Variants in IGFBP2 observed in about 807,000 individuals in gnomAD.
IGFBP2 encodes the protein insulin like growth factor binding protein 2.
Under a neutral mutation model 26.2 loss-of-function variants are expected in IGFBP2, and 12 were observed. That is an observed-to-expected ratio of 0.46 (90% CI 0.29 to 0.74). The LOEUF is 0.74. IGFBP2 is among the 30% of genes least tolerant of loss of function. IGFBP2 has a pLI of 0.09. For missense variants in IGFBP2, 328 were observed against 441.2 expected (o/e 0.74, Z 2.30); for synonymous variants, 189 against 200.6 (o/e 0.94, Z 0.49).
intron 1 of IGFBP2, among the ~76,000 whole-genome samples, chr2:216,649,660 C>T (rs572375944): frequency 6.6e-6 from 1 of 152,326 alleles, no homozygotes; most frequent in East Asian, 1.9e-4. Context: ...CAGCTTGGCT[C>T]ACGGGGCCCC....
chr2:216,655,614 T>C (rs572551691), intron 1 of IGFBP2, among the ~76,000 whole-genome samples: 1 of 152,280 alleles, frequency 6.6e-6, no homozygotes, highest in African/African-American at 2.4e-5. Flanking sequence ...AATGGACTAA[T>C]ACAGTCAGGC....
intron 1 of IGFBP2, among the ~76,000 whole-genome samples, chr2:216,645,449 G>T (rs1018518981): frequency 6.6e-6 from 1 of 152,166 alleles, no homozygotes; most frequent in African/African-American, 2.4e-5. Context: ...AACAACCTGG[G>T]CTTGGTTTTG....
At chr2:216,650,123 G>A (rs2106198239) in intron 1 of IGFBP2, among the ~76,000 whole-genome samples, 1 of 152,356 alleles carries the variant, frequency 6.6e-6, no homozygotes, top group Middle Eastern at 3.4e-3. Context: ...GGCAATGCCA[G>A]AGCTTGAGAG....
At chr2:216,641,053 C>T (rs1448060808) in intron 1 of IGFBP2, among the ~76,000 whole-genome samples, 1 of 152,174 alleles carries the variant, frequency 6.6e-6, no homozygotes, top group Non-Finnish European at 1.5e-5. Flanking sequence ...TCTCTTAATA[C>T]TTCAGTAGTT....
At chr2:216,634,906 T>TTTTTTTAA (rs371560018) in intron 1 of IGFBP2, among the ~76,000 whole-genome samples, 1 of 128,490 alleles carries the variant, frequency 7.8e-6, no homozygotes, top group Non-Finnish European at 1.6e-5. Flanking sequence ...TTTTTTTTTT[T>TTTTTTTAA]AATTACGAAA....
Position 216,633,569 on chromosome 2 carries a change from C to CTG in IGFBP2, c.46_47insTG (p.Pro16LeufsTer153). 2 of 1,009,354 alleles carry CTG rather than the reference C, an allele frequency of 2.0e-6. No homozygotes were observed. Among genetic ancestry groups the CTG allele is most frequent in the Non-Finnish European group, 2.4e-6 (2 of 847,630 alleles). 62.5% of individuals were successfully genotyped at this position (1,009,354 alleles called of 1,614,324 possible). On this transcript the variant is annotated frameshift_variant, in exon 1 of 4. Transcript: ENST00000233809. LOFTEE classifies it high-confidence loss of function. Reference sequence around the variant, plus strand: ...CCCCGCGCTGCCGCTGCCGCCGCCGCCGCTGCTGCCGCTGCTGCTGCTGCT... The same window carrying CTG: ...CCCCGCGCTGCCGCTGCCGCCGCCGCTGCGCTGCTGCCGCTGCTGCTGCTGCT...
At chr2:216,647,884 G>A (rs566922193) in intron 1 of IGFBP2, among the ~76,000 whole-genome samples, 33 of 152,214 alleles carry the variant, frequency 2.2e-4, no homozygotes, top group Middle Eastern at 3.4e-3. Context: ...GCAATTGCAC[G>A]ATCTCAGCTC....
intron 1 of IGFBP2, among the ~76,000 whole-genome samples, chr2:216,647,207 G>A (rs1444048685): frequency 6.6e-6 from 1 of 152,132 alleles, no homozygotes; most frequent in Non-Finnish European, 1.5e-5. Flanking sequence ...AAGTTGGACA[G>A]GCTTCTACTT....
chr2:216,644,803 C>T (rs1164036434), intron 1 of IGFBP2, among the ~76,000 whole-genome samples: 1 of 152,186 alleles, frequency 6.6e-6, no homozygotes. Context: ...CTCCACTTAA[C>T]AAATGAAGAA....
chr2:216,635,751 AG>A (rs1283500972), intron 1 of IGFBP2, among the ~76,000 whole-genome samples: 3 of 151,752 alleles, frequency 2.0e-5, no homozygotes, highest in Non-Finnish European at 4.4e-5. Context: ...TGGAGCCTGA[AG>A]GGGGTGGGGG....
At chr2:216,632,885 TG>T (rs1169852219), upstream of IGFBP2, 10 of 152,122 alleles carry the variant, frequency 6.6e-5, no homozygotes, top group African/African-American at 2.4e-4. Context: ...GGGTCTAGCT[TG>T]GTCTAGACGG....
intron 1 of IGFBP2, among the ~76,000 whole-genome samples, chr2:216,660,121 G>T (rs753720757): frequency 6.6e-6 from 1 of 152,084 alleles, no homozygotes; most frequent in Non-Finnish European, 1.5e-5. Context: ...AATTTGGGGG[G>T]GTCCCAGAAA....
intron 3 of IGFBP2, 60 bp downstream of exon 3, chr2:216,662,058 G>A: frequency 6.3e-7 from 1 of 1,579,958 alleles, no homozygotes; most frequent in Non-Finnish European, 8.6e-7. Flanking sequence ...CCCCAGATGT[G>A]CCTTGTTTCT....
chr2:216,647,496 A>G (rs1697732733), intron 1 of IGFBP2, among the ~76,000 whole-genome samples: 1 of 152,066 alleles, frequency 6.6e-6, no homozygotes, highest in Non-Finnish European at 1.5e-5. Flanking sequence ...CTTTTTTAAA[A>G]TTTTGTAAAA....
chr2:216,634,721 C>A (rs1219665261), intron 1 of IGFBP2, among the ~76,000 whole-genome samples: 1 of 152,058 alleles, frequency 6.6e-6, no homozygotes, highest in Non-Finnish European at 1.5e-5. Flanking sequence ...GCATCTGGGC[C>A]CCAGATCGAA....
chr2:216,659,646 G>A (rs538172321), intron 1 of IGFBP2: 1 of 1,273,598 alleles, frequency 7.9e-7, no homozygotes, highest in Non-Finnish European at 1.1e-6. Flanking sequence ...CTGTTTTCAA[G>A]GCCTCCTTCA....
At chr2:216,634,406 C>G (rs771812927) in intron 1 of IGFBP2, among the ~76,000 whole-genome samples, 1 of 152,058 alleles carries the variant, frequency 6.6e-6, no homozygotes, top group Non-Finnish European at 1.5e-5. Flanking sequence ...CACCAGGAAC[C>G]TTGGAAGAGG....
intron 1 of IGFBP2, chr2:216,659,804 A>G (rs1697997665): frequency 7.2e-7 from 1 of 1,385,150 alleles, no homozygotes; most frequent in Admixed American, 2.0e-5. Context: ...GGCTCTCAGT[A>G]TAATGGGGTT....
Position 216,661,846 on chromosome 2 carries a change from CTG to C in IGFBP2, c.673-9_673-8del, listed in dbSNP as rs1302223119. The C allele has an allele frequency of 6.2e-7, 1 of 1,614,102 alleles. No individual in the cohort carries two copies. Among genetic ancestry groups the C allele is most frequent in the Non-Finnish European group, 8.5e-7 (1 of 1,180,030 alleles). On this transcript the variant is annotated splice_polypyrimidine_tract_variant and intron_variant, in intron 2 of 3. Transcript: ENST00000233809. ...CCTCACTCCGGGCGTCCCCTGCTGT[CTG>C]TGCGTGCAGACTCCCTGCCAACAGG...
Sources: gnomAD v4.1 joint callset for allele counts (sites outside exome capture counted in the v4.1 genomes callset) on GRCh38, gnomAD v4.1.1 for gene constraint, MANE v1.5 for transcripts, NCBI Gene and HGNC (gene_info 2026-07-23, HGNC 2026-07-21) for gene names.